The following VPS13B variants were observed in gnomAD, a reference collection of about 807,000 sequenced individuals.
VPS13B encodes vacuolar protein sorting 13 homolog B, also known as intermembrane lipid transfer protein VPS13B.
In VPS13B, 285 loss-of-function variants were observed where a neutral mutation model predicts 426.4. The ratio of observed to expected loss-of-function variants is 0.67; its 90% CI spans 0.61 to 0.74. VPS13B has a LOEUF of 0.74. Ranked by LOEUF, VPS13B falls within the 30% of genes least tolerant of loss-of-function variation. VPS13B has a pLI of 0.00. For synonymous variants in VPS13B, 1,676 were observed against 1,676.4 expected (o/e 1.00, Z 0.01); for missense variants, 4,537 against 4,782.6 (o/e 0.95, Z 1.51).
intron 19 of VPS13B, among the ~76,000 whole-genome samples, chr8:99,311,664 G>T (rs932689396): frequency 6.6e-6 from 1 of 152,228 alleles, no homozygotes; most frequent in Non-Finnish European, 1.5e-5. Context: ...GGGGTAGAGA[G>T]TTCTGTAGAT....
At chr8:99,740,932 C>T (rs1268835089) in intron 39 of VPS13B, among the ~76,000 whole-genome samples, 7 of 152,172 alleles carry the variant, frequency 4.6e-5, no homozygotes, top group Admixed American at 4.6e-4. Flanking sequence ...GCAAAATAAC[C>T]AGCTAACATC....
At chr8:99,084,032 G>T (rs901179381) in intron 3 of VPS13B, among the ~76,000 whole-genome samples, 12 of 152,166 alleles carry the variant, frequency 7.9e-5, no homozygotes, top group Non-Finnish European at 1.3e-4. Context: ...AGAAGGAATG[G>T]TACCAACTCC....
At chr8:99,263,219 G>A (rs1037488953) in intron 17 of VPS13B, among the ~76,000 whole-genome samples, 1 of 152,048 alleles carries the variant, frequency 6.6e-6, no homozygotes, top group Admixed American at 6.6e-5. Flanking sequence ...TTTCTATATA[G>A]TAGTCTTTGT....
At chr8:99,144,077 T>A (rs1029573880) in intron 13 of VPS13B, among the ~76,000 whole-genome samples, 1 of 152,018 alleles carries the variant, frequency 6.6e-6, no homozygotes, top group African/African-American at 2.4e-5. Flanking sequence ...CCATTTCAGA[T>A]CCTGAGATTA....
chr8:99,143,299 C>A, intron 13 of VPS13B, 134 bp downstream of exon 13: 2 of 1,071,128 alleles, frequency 1.9e-6, no homozygotes, highest in Non-Finnish European at 2.8e-6. Flanking sequence ...ATATATGTAG[C>A]TGTTTATTTA....
chr8:99,350,137 G>A (rs1002240870), intron 19 of VPS13B, among the ~76,000 whole-genome samples: 2 of 152,062 alleles, frequency 1.3e-5, no homozygotes, highest in Non-Finnish European at 2.9e-5. Context: ...ACTCGGTCAA[G>A]ATGATGGCTT....
intron 29 of VPS13B, 151 bp downstream of exon 29, chr8:99,511,663 C>A: frequency 1.3e-6 from 1 of 778,288 alleles, no homozygotes; most frequent in Non-Finnish European, 2.0e-6. Context: ...TATAGATATT[C>A]TACAAATCAT....
chr8:99,102,649 G>T (rs538024711), intron 4 of VPS13B, among the ~76,000 whole-genome samples: 1 of 152,218 alleles, frequency 6.6e-6, no homozygotes, highest in Admixed American at 6.5e-5. Context: ...TGTAGAATAG[G>T]ATAATCATTG....
intron 24 of VPS13B, among the ~76,000 whole-genome samples, chr8:99,478,608 C>T (rs13259713): frequency 2.6e-4 from 40 of 151,082 alleles, no homozygotes; most frequent in African/African-American, 8.7e-4. Context: ...CCACCACACC[C>T]GGCTAATTTT....
rs543480225 is a variant in VPS13B, at chr8:99,507,645, C to T, written c.4224+442C>T. On this transcript the variant is annotated intron_variant, in intron 28 of 61. Coordinates refer to ENST00000357162, the MANE Select transcript of VPS13B (RefSeq NM_152564.5). ...TGGTCCAGGCAGAGGCCATACCTAG[C>T]GGTTGCTCAAACCTAAATTTATACA... The T allele has an allele frequency of 5.7e-4, 813 of 1,430,250 alleles. 1 individual carries two copies. The highest frequency in any genetic ancestry group is 7.1e-4 in the Non-Finnish European group (736 of 1,038,940). 88.6% of individuals were successfully genotyped at this position (1,430,250 alleles called of 1,614,324 possible).
chr8:99,240,881 C>G (rs1257065671), intron 17 of VPS13B: 1 of 152,618 alleles, frequency 6.6e-6, no homozygotes, highest in Non-Finnish European at 1.5e-5. Flanking sequence ...GATGACTAAT[C>G]CAACTGCTGA....
At chr8:99,343,617 C>T (rs1811370625) in intron 19 of VPS13B, among the ~76,000 whole-genome samples, 10 of 152,006 alleles carry the variant, frequency 6.6e-5, no homozygotes, top group Admixed American at 6.5e-4. Context: ...AATCAACGTA[C>T]AAAATTAGTA....
At chr8:99,310,479 T>C (rs1353086621) in intron 19 of VPS13B, among the ~76,000 whole-genome samples, 1 of 152,244 alleles carries the variant, frequency 6.6e-6, no homozygotes, top group Non-Finnish European at 1.5e-5. Flanking sequence ...GTTTATATAC[T>C]GGATTATGTT....
At chr8:99,818,909 T>A in intron 47 of VPS13B, 21 bp downstream of exon 47, 1 of 1,349,194 alleles carries the variant, frequency 7.4e-7, no homozygotes, top group East Asian at 4.8e-5. Flanking sequence ...AATCCTTCCA[T>A]ACATTTTACA....
At chr8:99,018,197 C>T (rs926922555) in intron 2 of VPS13B, among the ~76,000 whole-genome samples, 1 of 152,052 alleles carries the variant, frequency 6.6e-6, no homozygotes, top group Non-Finnish European at 1.5e-5. Flanking sequence ...ATCAGCCTAG[C>T]CAATATGGCA....
At chr8:99,527,646 T>C (rs752565809) in intron 30 of VPS13B, among the ~76,000 whole-genome samples, 1 of 152,132 alleles carries the variant, frequency 6.6e-6, no homozygotes, top group Non-Finnish European at 1.5e-5. Flanking sequence ...ATTTTTCAGG[T>C]CCTTGTCTCA....
At chr8:99,337,430 G>A (rs561700219) in intron 19 of VPS13B, among the ~76,000 whole-genome samples, 60 of 151,744 alleles carry the variant, frequency 4.0e-4, no homozygotes, top group South Asian at 1.5e-3. Flanking sequence ...GAGTTAATGG[G>A]TGCAGCACAC....
chr8:99,424,974 A>T (rs1033899135), intron 21 of VPS13B, among the ~76,000 whole-genome samples: 3 of 152,220 alleles, frequency 2.0e-5, no homozygotes, highest in Non-Finnish European at 4.4e-5. Context: ...GAAGAAATGG[A>T]TATATTCCTC....
intron 59 of VPS13B, 95 bp downstream of exon 59, chr8:99,868,560 G>A (rs1416022459): frequency 2.1e-6 from 3 of 1,401,088 alleles, no homozygotes; most frequent in African/African-American, 2.9e-5. Flanking sequence ...CTTTCACATG[G>A]CAGACAGTGG....
Sources: allele counts gnomAD v4.1 joint callset (sites outside exome capture counted in the v4.1 genomes callset), GRCh38; gene constraint gnomAD v4.1.1; transcripts MANE v1.5; gene names NCBI Gene and HGNC (gene_info 2026-07-23, HGNC 2026-07-21).